The following NIBAN1 variants were observed in gnomAD, a reference collection of about 807,000 sequenced individuals.
NIBAN1 encodes niban apoptosis regulator 1, also known as protein Niban 1.
In NIBAN1, 81 loss-of-function variants were observed where a neutral mutation model predicts 75.1. That is an observed-to-expected ratio of 1.08 (90% CI 0.90 to 1.30). The LOEUF (loss-of-function observed/expected upper bound fraction) is 1.30. NIBAN1 is among the 50% of genes most tolerant of loss of function. The pLI is 0.00. For synonymous variants in NIBAN1, 436 were observed against 424.8 expected (o/e 1.03, Z -0.32); for missense variants, 1,133 against 1,128.1 (o/e 1.00, Z -0.06).
chr1:184,878,181 T>C (rs1306954741), intron 5 of NIBAN1, among the ~76,000 whole-genome samples: 3 of 152,174 alleles, frequency 2.0e-5, no homozygotes, highest in South Asian at 2.1e-4. Flanking sequence ...ATATAACCCA[T>C]ATACTGCTGG....
At chr1:184,898,265 C>A (rs1656856904) in intron 2 of NIBAN1, among the ~76,000 whole-genome samples, 1 of 152,158 alleles carries the variant, frequency 6.6e-6, no homozygotes, top group Non-Finnish European at 1.5e-5. Context: ...TCATTGCACT[C>A]CAGTTTCTGC....
chr1:184,801,717 T>C (rs1369596077), intron 12 of NIBAN1, among the ~76,000 whole-genome samples: 6 of 152,216 alleles, frequency 3.9e-5, no homozygotes, highest in Non-Finnish European at 7.3e-5. Flanking sequence ...CTCCAGGACT[T>C]CAGGGATGCT....
At chr1:184,819,972 C>T (rs1003893240) in intron 8 of NIBAN1, among the ~76,000 whole-genome samples, 2 of 152,088 alleles carry the variant, frequency 1.3e-5, no homozygotes, top group Non-Finnish European at 2.9e-5. Context: ...CAGATCATGG[C>T]CTCTTATTCT....
At chr1:184,903,773 T>G (rs1469246077) in intron 1 of NIBAN1, among the ~76,000 whole-genome samples, 1 of 147,370 alleles carries the variant, frequency 6.8e-6, no homozygotes, top group African/African-American at 2.5e-5. Context: ...TCTCAATCTG[T>G]CACCCAGGCT....
At chr1:184,853,458 G>A (rs1655596611) in intron 5 of NIBAN1, among the ~76,000 whole-genome samples, 1 of 152,176 alleles carries the variant, frequency 6.6e-6, no homozygotes, top group South Asian at 2.1e-4. Context: ...TGATGTTAAG[G>A]AAGCTTAATT....
At chr1:184,907,235 C>T (rs532913844) in intron 1 of NIBAN1, among the ~76,000 whole-genome samples, 55 of 151,586 alleles carry the variant, frequency 3.6e-4, no homozygotes, top group African/African-American at 1.0e-3. Flanking sequence ...AAAAAAATCA[C>T]GACTTTCAGA....
intron 7 of NIBAN1, 62 bp from the exon 8 acceptor site, chr1:184,823,391 G>C: frequency 8.9e-6 from 14 of 1,581,618 alleles, no homozygotes; most frequent in Non-Finnish European, 1.2e-5. Context: ...ATGGAGTCAA[G>C]TGGAGGGAGG....
At chr1:184,897,981 A>C (rs1194633588) in intron 2 of NIBAN1, among the ~76,000 whole-genome samples, 2 of 152,154 alleles carry the variant, frequency 1.3e-5, no homozygotes, top group African/African-American at 4.8e-5. Context: ...CTTTACACAG[A>C]GGCCAGACAG....
chr1:184,795,926 G>T lies in NIBAN1; in HGVS notation c.1838C>A (p.Thr613Asn), dbSNP rs767106648. The T allele has an allele frequency of 1.7e-5, 28 of 1,614,024 alleles. No homozygotes were observed. The highest frequency in any genetic ancestry group is 2.7e-5 in the African/African-American group (2 of 74,912). The change falls in exon 14 of 14, where the codon ACC (threonine) becomes AAC (asparagine). Residue 613 changes from threonine to asparagine, a missense_variant. Coordinates refer to ENST00000367511, the MANE Select transcript of NIBAN1 (RefSeq NM_052966.4). ...AILPGVLGSETLSNEVFQESE... is the reference protein window; with the variant it reads ...AILPGVLGSENLSNEVFQESE... ...CTCCTGGAATACTTCGTTACTGAGG[G>T]TCTCACTACCCAGAACTCCTGGCAG...
chr1:184,966,796 C>T (rs966736988), intron 1 of NIBAN1, among the ~76,000 whole-genome samples: 1 of 152,056 alleles, frequency 6.6e-6, no homozygotes, highest in Non-Finnish European at 1.5e-5. Context: ...AGAAAAAAAA[C>T]CACATGGTTT....
Position 184,795,650 on chromosome 1 carries a change from G to A in NIBAN1, c.2114C>T (p.Ala705Val). 1.2e-6 allele frequency: 2 copies of A among 1,614,218 alleles called. No homozygotes were observed. The highest frequency in any genetic ancestry group is 1.7e-6 in the Non-Finnish European group (2 of 1,180,032). ...TCTGAGCGCCTTCAAAGAACCCGAG[G>A]CAGTGATGGGTTCTGGCTCTTCCTG... Reference protein sequence around the residue: ...PAQEEPEPITASGSLKALRKL... With the variant: ...PAQEEPEPITVSGSLKALRKL... The change falls in exon 14 of 14, where the codon GCC (alanine) becomes GTC (valine). Residue 705 changes from alanine to valine, a missense_variant. Transcript: ENST00000367511.
chr1:184,958,319 G>A (rs2102073661), intron 1 of NIBAN1, among the ~76,000 whole-genome samples: 1 of 151,476 alleles, frequency 6.6e-6, no homozygotes, highest in Admixed American at 6.6e-5. Context: ...AGGTTGCAGA[G>A]AGCCAAGATC....
At position 184,792,870 on chromosome 1, in the gene NIBAN1, C is replaced by T. The variant is rs907191476; in HGVS notation, c.*2107G>A. On this transcript the variant is annotated 3_prime_UTR_variant, in exon 14 of 14. Coordinates refer to ENST00000367511, the MANE Select transcript of NIBAN1 (RefSeq NM_052966.4). ...ATGATGACTAAACCCTAGTTTCTGT[C>T]TTTTAAGAGAGGAGCCACTTGGAGA... 3.3e-5 allele frequency: 5 copies of T among 152,218 alleles called. No homozygotes were observed. Among genetic ancestry groups the T allele is most frequent in the Non-Finnish European group, 5.9e-5 (4 of 68,054 alleles). The allele number at this position is 152,218 out of a possible 1,614,324, so 9.4% of individuals were successfully genotyped here.
Position 184,894,210 on chromosome 1 carries a change from A to G in NIBAN1, c.187-4T>C, listed in dbSNP as rs770799504. 2 of 1,595,734 alleles carry G rather than the reference A, an allele frequency of 1.3e-6. No homozygotes were observed. Among genetic ancestry groups the G allele is most frequent in the Non-Finnish European group, 1.7e-6 (2 of 1,173,946 alleles). On this transcript the variant is annotated splice_polypyrimidine_tract_variant and splice_region_variant and intron_variant, in intron 2 of 13. Coordinates refer to ENST00000367511, the MANE Select transcript of NIBAN1 (RefSeq NM_052966.4). ...TAGTTCCAGGCGCCAATGGTGGCTT[A>G]AAGAAGATGAATACAATTAACTATC...
intron 8 of NIBAN1, among the ~76,000 whole-genome samples, chr1:184,820,781 C>T (rs766966314): frequency 4.6e-5 from 7 of 152,224 alleles, no homozygotes; most frequent in African/African-American, 9.6e-5. Flanking sequence ...AGCAAGTTAC[C>T]GAATTTCTGC....
chr1:184,923,561 C>T (rs1168414501), intron 1 of NIBAN1, among the ~76,000 whole-genome samples: 1 of 152,048 alleles, frequency 6.6e-6, no homozygotes, highest in Non-Finnish European at 1.5e-5. Context: ...TTTTGTGGTT[C>T]CATATAAATT....
Position 184,974,326 on chromosome 1 carries a change from C to T in NIBAN1, c.31G>A (p.Glu11Lys). 1.3e-6 allele frequency: 2 copies of T among 1,567,750 alleles called. No individual in the cohort carries two copies. The highest frequency in any genetic ancestry group is 1.7e-6 in the Non-Finnish European group (2 of 1,163,786). Residue 11 changes from glutamate to lysine, a missense_variant, in exon 1 of 14, where the codon GAG (glutamate) becomes AAG (lysine). By Grantham distance (56) the Glu-to-Lys change is moderately conservative. Transcript: ENST00000367511. The part of the protein sequence containing the change: MGGSASSQLD[E>K]GKCAYIRGKT... ...CCTCGGATGTAAGCGCACTTGCCCT[C>T]GTCCAGCTGGCTGGAGGCTGAGCCG...
chr1:184,811,942 T>C (rs921801637), intron 9 of NIBAN1, among the ~76,000 whole-genome samples: 4 of 152,172 alleles, frequency 2.6e-5, no homozygotes, highest in South Asian at 2.1e-4. Flanking sequence ...GGATTAGGCA[T>C]GTACAGGATT....
chr1:184,886,719 C>T (rs981050538), intron 4 of NIBAN1, among the ~76,000 whole-genome samples: 5 of 152,068 alleles, frequency 3.3e-5, no homozygotes, highest in African/African-American at 1.2e-4. Context: ...GTATTAAGCA[C>T]CAATCTCAGG....
Sources: allele counts gnomAD v4.1 joint callset (sites outside exome capture counted in the v4.1 genomes callset), GRCh38; gene constraint gnomAD v4.1.1; transcripts MANE v1.5; gene names NCBI Gene and HGNC (gene_info 2026-07-23, HGNC 2026-07-21).